RBFOX1: variants seen among roughly 807,000 people sequenced by gnomAD.
The protein encoded by RBFOX1 is RNA binding protein fox-1 homolog 1.
A neutral mutation model predicts 57.7 loss-of-function variants in RBFOX1; 8 were observed. The observed-to-expected ratio is 0.14, with a 90% confidence interval of 0.08 to 0.25. The LOEUF (loss-of-function observed/expected upper bound fraction) is 0.25. Ranked by LOEUF, RBFOX1 falls within the 10% of genes least tolerant of loss-of-function variation. RBFOX1 has a pLI of 1.00. For missense variants in RBFOX1, 611 were observed against 548.5 expected, an observed-to-expected ratio of 1.11 and a Z score of -1.14; for synonymous variants, 326 against 222.4, an observed-to-expected ratio of 1.47 and a Z score of -4.15.
intron 4 of RBFOX1, among the ~76,000 whole-genome samples, chr16:6,001,966 AC>A (rs2060607546): frequency 7.3e-6 from 1 of 137,634 alleles, no homozygotes; most frequent in African/African-American, 2.8e-5. Flanking sequence ...TAGCTCTTAA[AC>A]CTTTTTTTTT....
rs1046181257 is a variant in RBFOX1, at chr16:5,451,172, G to A, written c.220-16044G>A. 2.0e-5 allele frequency among the ~76,000 whole-genome samples: 3 copies of A among 152,198 alleles called. No individual in the cohort carries two copies. The South Asian group carries it at 6.2e-4, about 32-fold the overall frequency. On this transcript the variant is annotated intron_variant, in intron 1 of 2. Transcript: ENST00000585867. ...GTCTGTCTGATGTGAGAGAACCAGA[G>A]CTCTTCTTCCTCTGCTCTGATTGGT...
intron 11 of RBFOX1, among the ~76,000 whole-genome samples, chr16:7,641,178 C>G (rs187050005): frequency 6.6e-6 from 1 of 152,142 alleles, no homozygotes; most frequent in Non-Finnish European, 1.5e-5. Flanking sequence ...CATCAAATAC[C>G]AGTCTTCTTG....
At chr16:7,406,888 C>T (rs942510019) in intron 4 of RBFOX1, among the ~76,000 whole-genome samples, 2 of 152,166 alleles carry the variant, frequency 1.3e-5, no homozygotes, top group African/African-American at 4.8e-5. Flanking sequence ...CACCTGCTTT[C>T]CTTGGCTCAT....
chr16:5,962,020 G>A (rs374819016), intron 4 of RBFOX1, among the ~76,000 whole-genome samples: 1 of 152,132 alleles, frequency 6.6e-6, no homozygotes, highest in East Asian at 1.9e-4. Context: ...TTCCAAATCC[G>A]TTATGCATCC....
At chr16:5,702,448 A>G (rs997866212) in intron 3 of RBFOX1, among the ~76,000 whole-genome samples, 2 of 152,224 alleles carry the variant, frequency 1.3e-5, no homozygotes, top group Non-Finnish European at 2.9e-5. Context: ...GAGTGGGGGC[A>G]CAAATCCAAA....
Position 7,624,605 on chromosome 16 carries a change from C to G in RBFOX1, c.677-5998C>G, listed in dbSNP as rs144728194. Among the ~76,000 whole-genome samples the G allele has an allele frequency of 3.2e-3, 491 of 152,290 alleles. 5 individuals are homozygous for G. Among genetic ancestry groups the G allele is most frequent in the African/African-American group, 0.012 (479 of 41,564 alleles). ...AGTACCAGCCAAATGAATGATAATA[C>G]TCACTACATCATAGTTGCCTAGCTG... On this transcript the variant is annotated intron_variant, in intron 10 of 15. Transcript: ENST00000550418.
chr16:6,191,215 C>A (rs1026888383), intron 1 of RBFOX1, among the ~76,000 whole-genome samples: 3 of 150,280 alleles, frequency 2.0e-5, no homozygotes, highest in African/African-American at 7.4e-5. Flanking sequence ...TTGGGCTGGG[C>A]AGTATTTTCA....
At chr16:7,695,712 T>A (rs1303914214) in intron 14 of RBFOX1, among the ~76,000 whole-genome samples, 5 of 151,014 alleles carry the variant, frequency 3.3e-5, no homozygotes, top group Admixed American at 3.3e-4. Flanking sequence ...ACAGCACTAC[T>A]GTAATGAGCT....
intron 4 of RBFOX1, among the ~76,000 whole-genome samples, chr16:7,214,737 A>C (rs1251271618): frequency 6.6e-6 from 1 of 151,984 alleles, no homozygotes; most frequent in African/African-American, 2.4e-5. Flanking sequence ...TTTGCTCTCC[A>C]GCCTAATTTT....
intron 3 of RBFOX1, among the ~76,000 whole-genome samples, chr16:6,655,339 A>G (rs965531405): frequency 1.5e-5 from 2 of 131,856 alleles, no homozygotes; most frequent in Admixed American, 1.8e-4. Context: ...GCACCAGCGC[A>G]CTCCAGCCTG....
At chr16:5,956,670 A>AT (rs1303621980) in intron 4 of RBFOX1, among the ~76,000 whole-genome samples, 1 of 45,856 alleles carries the variant, frequency 2.2e-5, no homozygotes, top group African/African-American at 1.0e-4. Flanking sequence ...ATATATATAT[A>AT]TATATATATT....
chr16:6,640,695 A>G (rs2098480428), intron 2 of RBFOX1, among the ~76,000 whole-genome samples: 2 of 152,292 alleles, frequency 1.3e-5, no homozygotes, highest in African/African-American at 2.4e-5. Flanking sequence ...CATATAGGAA[A>G]CACTGGGCAA....
chr16:5,968,530 C>G (rs970042641), intron 4 of RBFOX1, among the ~76,000 whole-genome samples: 1 of 152,100 alleles, frequency 6.6e-6, no homozygotes, highest in Non-Finnish European at 1.5e-5. Context: ...TTATTATTTC[C>G]TTTTCTTCAG....
chr16:6,705,564 G>A (rs970637848), intron 3 of RBFOX1: 1 of 152,168 alleles, frequency 6.6e-6, no homozygotes, highest in Non-Finnish European at 1.5e-5. Flanking sequence ...AAAAAGGGAA[G>A]AAGGGCTCCT....
intron 4 of RBFOX1, among the ~76,000 whole-genome samples, chr16:5,888,988 T>C (rs2057973958): frequency 6.6e-6 from 1 of 152,032 alleles, no homozygotes; most frequent in South Asian, 2.1e-4. Context: ...TTGTTGGGAG[T>C]ATTAAGCAAG....
chr16:6,509,093 T>A (rs1451945087), intron 2 of RBFOX1, among the ~76,000 whole-genome samples: 1 of 152,204 alleles, frequency 6.6e-6, no homozygotes, highest in Non-Finnish European at 1.5e-5. Flanking sequence ...CTGATTTTAT[T>A]TCAAAGGAGT....
intron 4 of RBFOX1, among the ~76,000 whole-genome samples, chr16:7,223,876 T>C (rs372283225): frequency 9.3e-4 from 141 of 151,986 alleles, no homozygotes; most frequent in African/African-American, 3.3e-3. Flanking sequence ...AAATCTGTTA[T>C]GGCTGGTTGG....
At chr16:7,191,352 A>G (rs1291069379) in intron 4 of RBFOX1, among the ~76,000 whole-genome samples, 3 of 148,062 alleles carry the variant, frequency 2.0e-5, no homozygotes, top group African/African-American at 7.5e-5. Context: ...AAAAAAAAAA[A>G]CAGCACATTG....
Position 6,569,120 on chromosome 16 carries a change from C to G in RBFOX1, c.-63-85483C>G, listed in dbSNP as rs116861479. 4.5e-4 allele frequency among the ~76,000 whole-genome samples: 68 copies of G among 152,344 alleles called. No homozygotes were observed. In the East Asian group the frequency reaches 0.012, roughly 26 times the overall value. On this transcript the variant is annotated intron_variant, in intron 2 of 15. Coordinates refer to ENST00000550418, the MANE Select transcript of RBFOX1 (RefSeq NM_018723.4). Reference sequence around the variant, plus strand: ...TCAGCAGCCCAGCTTTGAATACTCTCTCTGCCTCTTGATATCCATGTAAAC... The same window carrying G: ...TCAGCAGCCCAGCTTTGAATACTCTGTCTGCCTCTTGATATCCATGTAAAC...
Sources: allele counts gnomAD v4.1 joint callset (sites outside exome capture counted in the v4.1 genomes callset), GRCh38; gene constraint gnomAD v4.1.1; transcripts MANE v1.5; gene names NCBI Gene and HGNC (gene_info 2026-07-23, HGNC 2026-07-21).